The following ZNF680 variants were observed in gnomAD, a reference collection of about 807,000 sequenced individuals.
The protein encoded by ZNF680 is hypothetical protein FLJ90430.
ZNF680 carries 6 observed loss-of-function variants against 12.1 expected under a neutral mutation model. That is an observed-to-expected ratio of 0.49 (90% CI 0.27 to 0.98). The LOEUF (loss-of-function observed/expected upper bound fraction) is 0.98, where lower values mean the gene tolerates loss of function less well. Among genes scored for constraint, ZNF680 ranks in the 50% least tolerant of loss-of-function variants. The pLI, the probability that ZNF680 is intolerant of heterozygous loss-of-function variation, is 0.12. For missense variants in ZNF680, 561 were observed against 616.3 expected (o/e 0.91, Z 0.95); for synonymous variants, 170 against 199.3 (o/e 0.85, Z 1.24).
intron 3 of ZNF680, among the ~76,000 whole-genome samples, chr7:64,531,864 A>C (rs1562748687): frequency 1.3e-5 from 2 of 152,204 alleles, no homozygotes; most frequent in Non-Finnish European, 1.5e-5. Flanking sequence ...CTGAGACTGT[A>C]AGGTCACACT....
At chr7:64,508,546 C>T in the ZNF680 span, among the ~76,000 whole-genome samples, 8 of 152,028 alleles carry the variant, frequency 5.3e-5, no homozygotes, top group South Asian at 1.0e-3. Flanking sequence ...ATGAAACAGA[C>T]GGGAATTACT....
chr7:64,557,224 C>T (rs1222721648), intron 1 of ZNF680, among the ~76,000 whole-genome samples: 1 of 150,812 alleles, frequency 6.6e-6, no homozygotes, highest in Non-Finnish European at 1.5e-5. Flanking sequence ...GCACTCCAGA[C>T]TGGGCGACAG....
chr7:64,524,355 C>G (rs957393661), intron 3 of ZNF680, among the ~76,000 whole-genome samples: 7 of 151,952 alleles, frequency 4.6e-5, no homozygotes, highest in African/African-American at 1.7e-4. Context: ...CACTCAAACT[C>G]CTGACCTCAG....
chr7:64,513,220 TA>T, the ZNF680 span, among the ~76,000 whole-genome samples: 11,723 of 151,968 alleles, frequency 0.077, 909 homozygotes, highest in East Asian at 0.36. Context: ...TTAAAACTAC[TA>T]AAAAAAATTT....
chr7:64,562,757 G>A (rs565965405), intron 1 of ZNF680, among the ~76,000 whole-genome samples, 168 bp downstream of exon 1: 5 of 152,226 alleles, frequency 3.3e-5, no homozygotes, highest in Admixed American at 6.5e-5. Context: ...TGTCAGCCCA[G>A]CCGCCATCTT....
At position 64,522,432 on chromosome 7, in the gene ZNF680, T is replaced by C. The variant is rs752161906; in HGVS notation, c.322A>G (p.Ile108Val). ...CCACATTTTCCATATCCTCTCAGTA[T>C]CACTTTTTGAAAAGAATCTTTTATG... Reference protein sequence around the residue: ...HSIKDSFQKVILRGYGKCGHE... With the variant: ...HSIKDSFQKVVLRGYGKCGHE... Residue 108 changes from isoleucine (I) to valine (V), a missense_variant, in exon 4 of 4, where the codon ATA becomes GTA. Ile to Val is a conservative substitution (Grantham distance 29). Coordinates refer to ENST00000309683, the MANE Select transcript of ZNF680 (RefSeq NM_178558.5). 4 of 1,602,594 alleles carry C rather than the reference T, an allele frequency of 2.5e-6. No individual in the cohort carries two copies. Among genetic ancestry groups the C allele is most frequent in the East Asian group, 2.2e-5 (1 of 44,724 alleles).
At chr7:64,538,846 C>T (rs568797557) in intron 3 of ZNF680, among the ~76,000 whole-genome samples, 10 of 152,140 alleles carry the variant, frequency 6.6e-5, no homozygotes, top group South Asian at 4.1e-4. Context: ...AAAGCCAAAA[C>T]GCGGCCAGGC....
At chr7:64,519,300 C>T (rs914218678), downstream of ZNF680, among the ~76,000 whole-genome samples, 1 of 151,858 alleles carries the variant, frequency 6.6e-6, no homozygotes, top group African/African-American at 2.4e-5. Flanking sequence ...TACCACCTCA[C>T]TCCTGCAAGA....
At chr7:64,537,611 C>A (rs1309494436) in intron 3 of ZNF680, among the ~76,000 whole-genome samples, 1 of 152,072 alleles carries the variant, frequency 6.6e-6, no homozygotes, top group Non-Finnish European at 1.5e-5. Context: ...GGTACTGACA[C>A]AATGACATAT....
chr7:64,499,729 G>A, the ZNF680 span, among the ~76,000 whole-genome samples: 1 of 152,184 alleles, frequency 6.6e-6, no homozygotes, highest in South Asian at 2.1e-4. Context: ...GGGTGACACA[G>A]CGAGACTCCG....
chr7:64,526,297 C>A, intron 3 of ZNF680: 7 of 1,163,844 alleles, frequency 6.0e-6, no homozygotes, highest in Non-Finnish European at 7.4e-6. Context: ...ATACTTGATT[C>A]AAGATTAGTG....
the ZNF680 span, among the ~76,000 whole-genome samples, chr7:64,504,937 T>C: frequency 4.4e-4 from 67 of 152,344 alleles, 1 homozygote; most frequent in East Asian, 0.01. Flanking sequence ...AGATTTGCAA[T>C]CTTCAATCTT....
At chr7:64,543,893 T>TGAC in intron 2 of ZNF680, 91 bp from the exon 3 acceptor site, 4 of 1,051,838 alleles carry the variant, frequency 3.8e-6, no homozygotes, top group Non-Finnish European at 5.6e-6. Context: ...TGTCATAGCA[T>TGAC]ATTCTAGTAA....
chr7:64,538,693 A>G (rs797021592), intron 3 of ZNF680, among the ~76,000 whole-genome samples: 1 of 152,238 alleles, frequency 6.6e-6, no homozygotes, highest in African/African-American at 2.4e-5. Flanking sequence ...ACCATTATTT[A>G]CAAATGTTAT....
intron 1 of ZNF680, among the ~76,000 whole-genome samples, chr7:64,553,875 G>C (rs1042022576): frequency 2.6e-5 from 4 of 152,120 alleles, no homozygotes; most frequent in African/African-American, 4.8e-5. Flanking sequence ...ACGGAGTCTC[G>C]CTCACTCAGT....
intron 1 of ZNF680, among the ~76,000 whole-genome samples, chr7:64,562,231 CAAAAAAAA>C (rs534069066): frequency 4.3e-5 from 4 of 92,566 alleles, no homozygotes; most frequent in Non-Finnish European, 6.3e-5. Flanking sequence ...GACTCCGTTT[CAAAAAAAA>C]AAAAAAAAAA....
intron 3 of ZNF680, among the ~76,000 whole-genome samples, chr7:64,543,147 T>G (rs542788701): frequency 4.6e-5 from 7 of 152,128 alleles, no homozygotes; most frequent in Admixed American, 2.0e-4. Context: ...AAAAATAAAA[T>G]CCTAAAATTT....
At chr7:64,540,572 G>T (rs1258988905) in intron 3 of ZNF680, among the ~76,000 whole-genome samples, 1 of 151,974 alleles carries the variant, frequency 6.6e-6, no homozygotes, top group East Asian at 1.9e-4. Flanking sequence ...CAAAGTGCTG[G>T]GATTACAGGC....
In ZNF680 at chr7:64,521,564, A is replaced by C. The variant is rs762103772; in HGVS notation, c.1190T>G (p.Met397Arg). ...GGGTTTCTCTCCAGTATGAATTCTC[A>C]TATGTTCAGTAAGGTTTGAGGACTG... ...FIQSSNLTEH[M>R]RIHTGEKPYK... Residue 397 changes from methionine to arginine, a missense_variant, in exon 4 of 4, where the codon ATG becomes AGG. By Grantham distance (91) the Met-to-Arg change is moderately conservative. Transcript: ENST00000309683. 6.3e-7 allele frequency: 1 copy of C among 1,597,158 alleles called. No homozygotes were observed. Among genetic ancestry groups the C allele is most frequent in the Non-Finnish European group, 8.5e-7 (1 of 1,173,902 alleles).
Sources: allele counts gnomAD v4.1 joint callset (sites outside exome capture counted in the v4.1 genomes callset), GRCh38; gene constraint gnomAD v4.1.1; transcripts MANE v1.5; gene names NCBI Gene and HGNC (gene_info 2026-07-23, HGNC 2026-07-21).